The following DNAH9 variants were observed in gnomAD, a reference collection of about 807,000 sequenced individuals.
The protein encoded by DNAH9 is dynein axonemal heavy chain 9, also known as DNAH9 variant protein.
Under a neutral mutation model 471.6 loss-of-function variants are expected in DNAH9, and 345 were observed. The ratio of observed to expected loss-of-function variants is 0.73; its 90% confidence interval spans 0.67 to 0.80. The LOEUF (loss-of-function observed/expected upper bound fraction) is 0.80. Ranked by LOEUF, DNAH9 falls within the 30% of genes least tolerant of loss-of-function variation. The pLI is 0.00. For synonymous variants in DNAH9, 2,093 were observed against 2,123.6 expected (o/e 0.99, Z 0.40); for missense variants, 5,407 against 5,609.2 (o/e 0.96, Z 1.15).
chr17:11,748,531 A>G (rs1438074568), intron 32 of DNAH9, among the ~76,000 whole-genome samples: 1 of 152,172 alleles, frequency 6.6e-6, no homozygotes, highest in Non-Finnish European at 1.5e-5. Context: ...ATGTTGCCCC[A>G]GCAGTGATGG....
chr17:11,781,689 A>G (rs1479218122), intron 39 of DNAH9, among the ~76,000 whole-genome samples: 1 of 152,028 alleles, frequency 6.6e-6, no homozygotes, highest in Non-Finnish European at 1.5e-5. Context: ...AAAATTAGCC[A>G]GGCGTGATGG....
chr17:11,705,040 G>C lies in DNAH9; in HGVS notation c.5407G>C (p.Ala1803Pro). 1.2e-6 allele frequency: 2 copies of C among 1,614,166 alleles called. No homozygotes were observed. The highest frequency in any genetic ancestry group is 1.7e-5 in the Admixed American group (1 of 60,020). The change falls in exon 26 of 69, where the codon GCT becomes CCT. Residue 1803 changes from alanine (A) to proline (P), a missense_variant. Transcript: ENST00000262442. ...MIAQKVDNAQ[A>P]FLWLSQLRHR... ...CTCTCTTTAGGTAGACAATGCCCAG[G>C]CTTTCCTCTGGCTGTCTCAGCTGCG...
At chr17:11,756,359 A>T (rs558752247) in intron 33 of DNAH9, among the ~76,000 whole-genome samples, 1 of 152,066 alleles carries the variant, frequency 6.6e-6, no homozygotes, top group Non-Finnish European at 1.5e-5. Context: ...CCATGATTCA[A>T]TTGTCTCCCA....
chr17:11,610,881 T>C (rs1257908131), intron 3 of DNAH9, among the ~76,000 whole-genome samples: 1 of 152,138 alleles, frequency 6.6e-6, no homozygotes, highest in African/African-American at 2.4e-5. Flanking sequence ...TCTGCTCCCT[T>C]CTCCTTGAGC....
In DNAH9 at chr17:11,598,478, T is replaced by C; in HGVS notation, c.-21T>C. 7.4e-7 allele frequency: 1 copy of C among 1,348,428 alleles called. No homozygotes were observed. The highest frequency in any genetic ancestry group is 1.8e-5 in the South Asian group (1 of 54,442). 83.5% of individuals were successfully genotyped at this position (1,348,428 alleles called of 1,614,324 possible). On this transcript the variant is annotated 5_prime_UTR_variant, in exon 1 of 69. An upstream start codon of the reference 5' UTR is lost. Coordinates refer to ENST00000262442, the MANE Select transcript of DNAH9 (RefSeq NM_001372.4). The stretch of plus-strand genomic sequence containing the variant: ...GCGTCCCCGTCGCTAGGGAAACCGA[T>C]GCAGCTGGAGGCCGCGCGCGATGCG...
chr17:11,953,234 G>GC (rs1313435870), intron 67 of DNAH9, among the ~76,000 whole-genome samples: 1 of 152,154 alleles, frequency 6.6e-6, no homozygotes, highest in Admixed American at 6.5e-5. Context: ...GCTGCCCACA[G>GC]AGAAGTTGCT....
rs1407729798 is a variant in DNAH9, at chr17:11,946,525, G to A, written c.12843+4040G>A. On this transcript the variant is annotated intron_variant, in intron 67 of 68. Coordinates refer to ENST00000262442, the MANE Select transcript of DNAH9 (RefSeq NM_001372.4). ...AAAAATACAAAAAAAATAGCCAGGCGTGGTGGCAGGCACCTGTAGTCCCAG... is the reference window on the plus strand; with the variant it reads ...AAAAATACAAAAAAAATAGCCAGGCATGGTGGCAGGCACCTGTAGTCCCAG... 4.6e-5 allele frequency among the ~76,000 whole-genome samples: 7 copies of A among 151,564 alleles called. No individual in the cohort carries two copies. The East Asian group carries it at 5.8e-4, about 13-fold the overall frequency.
intron 24 of DNAH9, 85 bp from the exon 25 acceptor site, chr17:11,704,118 C>T (rs939888276): frequency 1.5e-4 from 222 of 1,485,022 alleles, no homozygotes; most frequent in Non-Finnish European, 2.0e-4. Flanking sequence ...CACACAATTA[C>T]ATCCTGAGCC....
intron 22 of DNAH9, among the ~76,000 whole-genome samples, chr17:11,698,261 ATAAT>A (rs558320206): frequency 0.046 from 2,297 of 49,668 alleles, 56 homozygotes; most frequent in African/African-American, 0.081. Flanking sequence ...TTAATATATA[ATAAT>A]TATATAATAT....
At chr17:11,916,021 A>G (rs1003992744) in intron 61 of DNAH9, among the ~76,000 whole-genome samples, 2 of 152,218 alleles carry the variant, frequency 1.3e-5, no homozygotes, top group African/African-American at 4.8e-5. Context: ...TAATGTTAGC[A>G]GAACTGTTAT....
intron 42 of DNAH9, 79 bp from the exon 43 acceptor site, chr17:11,797,518 C>A: frequency 1.7e-6 from 2 of 1,210,512 alleles, no homozygotes; most frequent in African/African-American, 1.5e-5. Context: ...ATGTGCAGAG[C>A]AAATCAGGTG....
At position 11,871,399 on chromosome 17, in the gene DNAH9, A is replaced by G. The variant is rs535028100; in HGVS notation, c.10054-199A>G. ...CATCTTTCCATGGTTCATGTGATGC[A>G]TGACACAGAATGGGGGCTTGTGTAC... On this transcript the variant is annotated intron_variant, in intron 51 of 68. Transcript: ENST00000262442. 5.3e-5 allele frequency among the ~76,000 whole-genome samples: 8 copies of G among 152,346 alleles called. No individual in the cohort carries two copies. In the South Asian group the frequency reaches 1.4e-3, roughly 28 times the overall value.
intron 67 of DNAH9, 75 bp from the exon 68 acceptor site, chr17:11,961,792 G>T: frequency 1.3e-6 from 2 of 1,509,130 alleles, no homozygotes; most frequent in African/African-American, 1.4e-5. Flanking sequence ...CCATGAGCCA[G>T]GGGTCTCTGA....
chr17:11,775,592 GTTC>G (rs1968387539), intron 38 of DNAH9, among the ~76,000 whole-genome samples: 2 of 91,004 alleles, frequency 2.2e-5, no homozygotes, highest in Non-Finnish European at 4.3e-5. Flanking sequence ...AAAATCAGAT[GTTC>G]TTTTTTTTTT....
At chr17:11,847,362 A>C (rs1308780686) in intron 49 of DNAH9, among the ~76,000 whole-genome samples, 1 of 152,160 alleles carries the variant, frequency 6.6e-6, no homozygotes, top group Non-Finnish European at 1.5e-5. Context: ...TAAGTCTTTA[A>C]TCCATCTTGA....
At chr17:11,862,709 G>A (rs1472604761) in intron 50 of DNAH9, among the ~76,000 whole-genome samples, 1 of 152,186 alleles carries the variant, frequency 6.6e-6, no homozygotes, top group Non-Finnish European at 1.5e-5. Context: ...GCAGTGGTTT[G>A]TAGTTCTCCC....
At chr17:11,688,834 G>C (rs1255638662) in intron 19 of DNAH9, among the ~76,000 whole-genome samples, 5 of 152,070 alleles carry the variant, frequency 3.3e-5, no homozygotes, top group South Asian at 2.1e-4. Context: ...TTGGTGGCTT[G>C]TGCCTGTAAT....
chr17:11,884,318 C>G (rs573079890), intron 56 of DNAH9: 3 of 221,986 alleles, frequency 1.4e-5, no homozygotes, highest in African/African-American at 6.9e-5. Flanking sequence ...GGCCCTCGGT[C>G]CCCCCTGTGA....
chr17:11,694,785 T>C (rs1239549999), intron 22 of DNAH9, among the ~76,000 whole-genome samples: 28 of 354 alleles, frequency 0.079, 5 homozygotes, highest in African/African-American at 0.11. Flanking sequence ...TCCTTCTTTC[T>C]TTCTTTCTTT....
Sources: allele counts gnomAD v4.1 joint callset (sites outside exome capture counted in the v4.1 genomes callset), GRCh38; gene constraint gnomAD v4.1.1; transcripts MANE v1.5; gene names NCBI Gene and HGNC (gene_info 2026-07-23, HGNC 2026-07-21).